CELSR3: variants seen among roughly 807,000 people sequenced by gnomAD.
CELSR3 encodes cadherin EGF LAG seven-pass G-type receptor 3.
Under a neutral mutation model 270.0 loss-of-function variants are expected in CELSR3, and 73 were observed. The observed-to-expected ratio is 0.27, with a 90% CI of 0.22 to 0.33. The LOEUF (loss-of-function observed/expected upper bound fraction) is 0.33. Ranked by LOEUF, CELSR3 falls within the 10% of genes least tolerant of loss-of-function variation. The pLI, the probability that CELSR3 is intolerant of heterozygous loss-of-function variation, is 1.00. For missense variants in CELSR3, 3,614 were observed against 4,533.8 expected, an observed-to-expected ratio of 0.80 and a Z score of 5.83; for synonymous variants, 1,780 against 1,905.4, an observed-to-expected ratio of 0.93 and a Z score of 1.71.
At chr3:48,649,568 G>A (rs1325374807) in intron 16 of CELSR3, among the ~76,000 whole-genome samples, 3 of 152,156 alleles carry the variant, frequency 2.0e-5, no homozygotes, top group African/African-American at 4.8e-5. Context: ...AGACCAGTAC[G>A]CAGACACACA....
At position 48,661,183 on chromosome 3, in the gene CELSR3, G is replaced by T. The variant is rs1236630868; in HGVS notation, c.1452C>A (p.Ala484=). 8 of 1,597,230 alleles carry T rather than the reference G, an allele frequency of 5.0e-6. No homozygotes were observed. Among genetic ancestry groups the T allele is most frequent in the Non-Finnish European group, 6.8e-6 (8 of 1,171,440 alleles). ...GPPAARAAAA[A]AFEIDPRSGL... ...CGGAGCGTGGATCAATCTCGAAGGC[G>T]GCGGCAGCTGCAGCGCGCGCAGCTG... The change falls in exon 1 of 35, where the codon GCC becomes GCA. Residue 484 remains alanine, a synonymous_variant. Transcript: ENST00000164024.
Position 48,650,994 on chromosome 3 carries a change from C to A in CELSR3, c.6268G>T (p.Ala2090Ser), listed in dbSNP as rs1335012170. 1.2e-6 allele frequency: 2 copies of A among 1,609,512 alleles called. No homozygotes were observed. Among genetic ancestry groups the A allele is most frequent in the African/African-American group, 2.7e-5 (2 of 74,778 alleles). The stretch of plus-strand genomic sequence containing the variant: ...CAGGGGCACTGCCCGCTGTGGGGTG[C>A]ACATGAGCGCGAGGTGGAGCCCACA... ...YPVGSTSRSC[A>S]PHSGQCPCRP... The change falls in exon 15 of 35, where the codon GCA becomes TCA. Residue 2090 changes from alanine to serine, a missense_variant. Coordinates refer to ENST00000164024, the MANE Select transcript of CELSR3 (RefSeq NM_001407.3). This position sits in a 1 kb window ranked among gnomAD's most constrained non-coding sequence, Gnocchi z 5.1.
In CELSR3 at chr3:48,652,416, C is replaced by G; in HGVS notation, c.5751+21G>C. 6.3e-7 allele frequency: 1 copy of G among 1,578,904 alleles called. No individual in the cohort carries two copies. Among genetic ancestry groups the G allele is most frequent in the Non-Finnish European group, 8.7e-7 (1 of 1,148,272 alleles). ...CCCCTGACCCTAATGCCCCATATCA[C>G]ATTCCCATGCTGACCCCCACCTGGA... is the stretch of plus-strand genomic sequence containing the variant. On this transcript the variant is annotated intron_variant, in intron 11 of 34. Transcript: ENST00000164024. This position sits in a 1 kb window ranked among gnomAD's most constrained non-coding sequence, Gnocchi z 4.3.
intron 17 of CELSR3, 47 bp downstream of exon 17, chr3:48,649,074 G>A: frequency 1.3e-6 from 2 of 1,576,592 alleles, no homozygotes; most frequent in Non-Finnish European, 1.7e-6. Context: ...GCCCACCACA[G>A]GCCAAGGAAG....
chr3:48,662,018 C>A lies in CELSR3; in HGVS notation c.617G>T (p.Gly206Val). 6.2e-7 allele frequency: 1 copy of A among 1,614,122 alleles called. No homozygotes were observed. Among genetic ancestry groups the A allele is most frequent in the Non-Finnish European group, 8.5e-7 (1 of 1,180,048 alleles). Residue 206 changes from glycine (G) to valine (V), a missense_variant, in exon 1 of 35, where the codon GGG becomes GTG. Physicochemically the swap from Gly to Val is moderately radical, Grantham distance 109. Transcript: ENST00000164024. The surrounding 1 kb of genome is among the most constrained non-coding windows in gnomAD (Gnocchi z 7.1). ...RKRVGTARCC[G>V]ELWATGSKGQ... ...CTTGCTCCCTGTTGCCCATAATTCCCCACAGCAGCGCGCGGTGCCCACTCT... is the reference window on the plus strand; with the variant it reads ...CTTGCTCCCTGTTGCCCATAATTCCACACAGCAGCGCGCGGTGCCCACTCT...
In CELSR3 at chr3:48,646,420, T is replaced by A. The variant is rs2047085619; in HGVS notation, c.7296-163A>T. On this transcript the variant is annotated intron_variant, in intron 21 of 34. Transcript: ENST00000164024. The surrounding 1 kb of genome is among the most constrained non-coding windows in gnomAD (Gnocchi z 4.8). The stretch of plus-strand genomic sequence containing the variant: ...ATCCCTCCAGCTTCTGCTGGGCTGC[T>A]GAGGGGCTGAGCAGCTCCAGGGGAC... Among the ~76,000 whole-genome samples, 1 of 152,222 alleles carries A rather than the reference T, an allele frequency of 6.6e-6. No homozygotes were observed. Among genetic ancestry groups the A allele is most frequent in the Non-Finnish European group, 1.5e-5 (1 of 68,036 alleles).
In CELSR3 at chr3:48,647,831, G is replaced by C. The variant is rs746022201; in HGVS notation, c.7129+10C>G. On this transcript the variant is annotated intron_variant, in intron 20 of 34. Coordinates refer to ENST00000164024, the MANE Select transcript of CELSR3 (RefSeq NM_001407.3). ...AGGACTTGGCCCAGGGGTCCCCTAG[G>C]GGCTCTCACCTTCAGATGGGGATGG... is the stretch of plus-strand genomic sequence containing the variant. The C allele has an allele frequency of 1.5e-5, 24 of 1,607,182 alleles. 1 individual carries two copies. The South Asian group carries it at 2.4e-4, about 16-fold the overall frequency.
rs762873791 is a variant in CELSR3, at chr3:48,659,163, G to A, written c.3472C>T (p.Arg1158Cys). The A allele has an allele frequency of 3.7e-5, 59 of 1,614,078 alleles. No homozygotes were observed. Among genetic ancestry groups the A allele is most frequent in the Non-Finnish European group, 4.5e-5 (53 of 1,180,048 alleles). Residue 1158 changes from arginine (R) to cysteine (C), a missense_variant, in exon 1 of 35, where the codon CGC becomes TGC. Physicochemically the swap from Arg to Cys is radical, Grantham distance 180. Around this residue, in one of 7 missense-constraint regions of CELSR3, gnomAD observed 1,331 missense variants for 1,933.7 expected, o/e 0.69. Coordinates refer to ENST00000164024, the MANE Select transcript of CELSR3 (RefSeq NM_001407.3). This position sits in a 1 kb window ranked among gnomAD's most constrained non-coding sequence, Gnocchi z 8.1. Reference sequence around the variant, plus strand: ...CTGTTGTCATTCTGGTCAACCAGGCGGACGTGCACAGTGGCCCGGCTGACC... The same window carrying A: ...CTGTTGTCATTCTGGTCAACCAGGCAGACGTGCACAGTGGCCCGGCTGACC... ...PLVSRATVHV[R>C]LVDQNDNSPV...
At position 48,641,124 on chromosome 3, in the gene CELSR3, G is replaced by C; in HGVS notation, c.9025+200C>G. On this transcript the variant is annotated intron_variant, in intron 33 of 34. Coordinates refer to ENST00000164024, the MANE Select transcript of CELSR3 (RefSeq NM_001407.3). The surrounding 1 kb of genome is among the most constrained non-coding windows in gnomAD (Gnocchi z 4.8). ...TGTGGTCCCCCTGTGGTGCTGGCCAGGGTAGAGGGGGACAGAGAATTCCCA... is the reference window on the plus strand; with the variant it reads ...TGTGGTCCCCCTGTGGTGCTGGCCACGGTAGAGGGGGACAGAGAATTCCCA... The C allele has an allele frequency of 1.7e-6, 1 of 591,694 alleles. No individual in the cohort carries two copies. The allele number at this position is 591,694 out of a possible 1,614,324, so 36.7% of individuals were successfully genotyped here.
Position 48,645,899 on chromosome 3 carries a change from T to C in CELSR3, c.7464-31A>G. Reference sequence around the variant, plus strand: ...GCCACAGGGCAGTTAGACACAACTGTGACCCAGTGTCAGGCAGGGGTTTGT... The same window carrying C: ...GCCACAGGGCAGTTAGACACAACTGCGACCCAGTGTCAGGCAGGGGTTTGT... On this transcript the variant is annotated intron_variant, in intron 22 of 34. Coordinates refer to ENST00000164024, the MANE Select transcript of CELSR3 (RefSeq NM_001407.3). This position sits in a 1 kb window ranked among gnomAD's most constrained non-coding sequence, Gnocchi z 5.4. The C allele has an allele frequency of 6.3e-7, 1 of 1,584,580 alleles. No homozygotes were observed. The highest frequency in any genetic ancestry group is 8.6e-7 in the Non-Finnish European group (1 of 1,162,104).
Position 48,646,788 on chromosome 3 carries a change from A to C in CELSR3, c.7270T>G (p.Phe2424Val). ...CTGGCACCTCGGCGTTCTGCCTGGA[A>C]CTGGGCAGGGAGCAGTCCCCCTAAG... ...RTLGGLLPAQ[F>V]QAERRGARLP... Residue 2424 changes from phenylalanine (F) to valine (V), a missense_variant, in exon 21 of 35, where the codon TTC (phenylalanine) becomes GTC (valine). By Grantham distance (50) the Phe-to-Val change is conservative (BLOSUM62 -1). This residue lies in a region of CELSR3 where 1,240 missense variants were observed against 1,351.7 expected (regional missense o/e 0.92). Transcript: ENST00000164024. The surrounding 1 kb of genome is among the most constrained non-coding windows in gnomAD (Gnocchi z 4.8). The C allele has an allele frequency of 6.2e-7, 1 of 1,610,394 alleles. No individual in the cohort carries two copies. Among genetic ancestry groups the C allele is most frequent in the Non-Finnish European group, 8.5e-7 (1 of 1,178,926 alleles).
rs1254089101 is a variant in CELSR3, at chr3:48,653,325, C to T, written c.5449-138G>A. 3.8e-6 allele frequency: 3 copies of T among 793,260 alleles called. No homozygotes were observed. The highest frequency in any genetic ancestry group is 1.7e-5 in the African/African-American group (1 of 57,374). 49.1% of individuals were successfully genotyped at this position (793,260 alleles called of 1,614,324 possible). A position where few individuals can be genotyped will look rare whatever the true frequency, so the allele number is the denominator to read the frequency against. ...AAGGTTATACCTGGCACAAAGGGCA[C>T]TGTGCCAGGGGACATCATGTTGCTG... On this transcript the variant is annotated intron_variant, in intron 9 of 34. Coordinates refer to ENST00000164024, the MANE Select transcript of CELSR3 (RefSeq NM_001407.3). The surrounding 1 kb of genome is among the most constrained non-coding windows in gnomAD (Gnocchi z 6.5).
chr3:48,643,853 C>G, intron 27 of CELSR3, 176 bp from the exon 28 acceptor site: 8 of 703,058 alleles, frequency 1.1e-5, no homozygotes, highest in South Asian at 2.0e-5. Flanking sequence ...CACAAAGAAA[C>G]AGGAGAGCAG....
At position 48,652,087 on chromosome 3, in the gene CELSR3, A is replaced by C; in HGVS notation, c.5752-39T>G. 6.7e-7 allele frequency: 1 copy of C among 1,489,324 alleles called. No individual in the cohort carries two copies. Among genetic ancestry groups the C allele is most frequent in the South Asian group, 1.4e-5 (1 of 72,756 alleles). The allele number at this position is 1,489,324 out of a possible 1,614,324, so 92.3% of individuals were successfully genotyped here. On this transcript the variant is annotated intron_variant, in intron 11 of 34. Coordinates refer to ENST00000164024, the MANE Select transcript of CELSR3 (RefSeq NM_001407.3). This position sits in a 1 kb window ranked among gnomAD's most constrained non-coding sequence, Gnocchi z 4.3. ...GCCAGCAAGGGGTGAGACCATGTTA[A>C]GGCACCTCAGCCTCAAGTACTGCAG... is the stretch of plus-strand genomic sequence containing the variant.
In CELSR3 at chr3:48,637,058, G is replaced by A. The variant is rs942419707; in HGVS notation, c.*1147C>T. The A allele has an allele frequency of 6.6e-6, 1 of 152,464 alleles. No homozygotes were observed. Among genetic ancestry groups the A allele is most frequent in the African/African-American group, 2.4e-5 (1 of 41,430 alleles). The allele number at this position is 152,464 out of a possible 1,614,324, so 9.4% of individuals were successfully genotyped here. ...CTCAAAGTTTTGAGTTGTAAACAAA[G>A]TAAAAACATTTTTTGAATCTGGACT... On this transcript the variant is annotated 3_prime_UTR_variant, in exon 35 of 35. Transcript: ENST00000164024.
In CELSR3 at chr3:48,645,327, C is replaced by T; in HGVS notation, c.7797+116G>A. ...CACAATATCTTACCCCAGCATCCTG[C>T]TGAAAACCCTGGCCCCAACCTGAGC... On this transcript the variant is annotated intron_variant, in intron 24 of 34. Coordinates refer to ENST00000164024, the MANE Select transcript of CELSR3 (RefSeq NM_001407.3). This position sits in a 1 kb window ranked among gnomAD's most constrained non-coding sequence, Gnocchi z 5.4. The T allele has an allele frequency of 6.4e-7, 1 of 1,551,608 alleles. No homozygotes were observed. Among genetic ancestry groups the T allele is most frequent in the South Asian group, 1.1e-5 (1 of 87,650 alleles).
In CELSR3 at chr3:48,642,404, A is replaced by G. The variant is rs750211505; in HGVS notation, c.8619T>C (p.His2873=). The G allele has an allele frequency of 5.6e-6, 9 of 1,613,294 alleles. No homozygotes were observed. The highest frequency in any genetic ancestry group is 7.6e-6 in the Non-Finnish European group (9 of 1,179,908). ...CCACGTCCAGGTCAGTGGGGCCAGC[A>G]TGAGCCTGGAGGCTGTGGTCAGTGT... is the stretch of plus-strand genomic sequence containing the variant. ...ADHTDHSLQA[H]AGPTDLDVAM... The change falls in exon 31 of 35, where the codon CAT becomes CAC. Residue 2873 remains histidine (H), a synonymous_variant. Coordinates refer to ENST00000164024, the MANE Select transcript of CELSR3 (RefSeq NM_001407.3). This position sits in a 1 kb window ranked among gnomAD's most constrained non-coding sequence, Gnocchi z 6.1.
Position 48,661,927 on chromosome 3 carries a change from T to A in CELSR3, c.708A>T (p.Pro236=), listed in dbSNP as rs2077069702. The A allele has an allele frequency of 7.4e-6, 12 of 1,613,258 alleles. No individual in the cohort carries two copies. Among genetic ancestry groups the A allele is most frequent in the Non-Finnish European group, 8.5e-6 (10 of 1,180,018 alleles). The stretch of plus-strand genomic sequence containing the variant: ...GCTCGGGGCCAGATCCCGAGGCCCC[T>A]GGAAGACAGTTCCGCCGGGGGGCTG... The part of the protein sequence containing the change: ...ERTAPRRNCL[P]GASGSGPELD... Residue 236 remains proline (P), a synonymous_variant, in exon 1 of 35, where the codon CCA becomes CCT. Coordinates refer to ENST00000164024, the MANE Select transcript of CELSR3 (RefSeq NM_001407.3).
rs368760989 is a variant in CELSR3 at position 48,659,889 on chromosome 3, G to C, written c.2746C>G (p.Gln916Glu). ...TGGTCCTCATAGTCTAATGGGGCCT[G>C]TAATGTAATGGCTCCTGAGTCTGCA... ...IDADSGAITLQAPLDYEDQVT... is the reference protein window; with the variant it reads ...IDADSGAITLEAPLDYEDQVT... Residue 916 changes from glutamine to glutamate, a missense_variant, in exon 1 of 35, where the codon CAG (glutamine) becomes GAG (glutamate). By Grantham distance (29) the Gln-to-Glu change is conservative. Coordinates refer to ENST00000164024, the MANE Select transcript of CELSR3 (RefSeq NM_001407.3). This position sits in a 1 kb window ranked among gnomAD's most constrained non-coding sequence, Gnocchi z 8.1. 8 of 1,614,218 alleles carry C rather than the reference G, an allele frequency of 5.0e-6. No homozygotes were observed. The Admixed American group carries it at 1.2e-4, about 24-fold the overall frequency.
Sources: allele counts gnomAD v4.1 joint callset (sites outside exome capture counted in the v4.1 genomes callset), GRCh38; gene constraint gnomAD v4.1.1; regional missense constraint gnomAD v4.1.1; non-coding constraint Gnocchi (gnomAD v3.1); transcripts MANE v1.5; gene names NCBI Gene and HGNC (gene_info 2026-07-23, HGNC 2026-07-21).